Variants in AGAP1 observed in about 807,000 individuals in gnomAD.
AGAP1 encodes the protein arf-GAP with GTPase, ANK repeat and PH domain-containing protein 1.
Under a neutral mutation model 105.3 loss-of-function variants are expected in AGAP1, and 29 were observed. The observed-to-expected ratio is 0.28, with a 90% CI of 0.21 to 0.38. The LOEUF (loss-of-function observed/expected upper bound fraction) is 0.38, where lower values mean the gene tolerates loss of function less well. Among genes scored for constraint, AGAP1 ranks in the 10% least tolerant of loss-of-function variants. The probability of loss-of-function intolerance (pLI) is 1.00; values close to 1 mark genes in which losing one functional copy is unlikely to be tolerated. For missense variants in AGAP1, 998 were observed against 1,165.1 expected, an observed-to-expected ratio of 0.86 and a Z score of 2.09; for synonymous variants, 509 against 485.9, an observed-to-expected ratio of 1.05 and a Z score of -0.63.
chr2:235,604,257 A>G (rs560119703), intron 1 of AGAP1, among the ~76,000 whole-genome samples: 6 of 152,112 alleles, frequency 3.9e-5, no homozygotes, highest in Admixed American at 3.9e-4. Flanking sequence ...AGGTGGGAAG[A>G]TTGCTTTACT....
chr2:235,758,334 C>T (rs930893715), intron 6 of AGAP1, among the ~76,000 whole-genome samples: 3 of 152,094 alleles, frequency 2.0e-5, no homozygotes, highest in Non-Finnish European at 2.9e-5. Flanking sequence ...AACAATTTAA[C>T]GGCTTATGAT....
chr2:235,800,265 ATT>A (rs547612945), intron 8 of AGAP1, among the ~76,000 whole-genome samples: 7 of 142,004 alleles, frequency 4.9e-5, no homozygotes, highest in Non-Finnish European at 4.6e-5. Flanking sequence ...CGTGTGGCTA[ATT>A]TTTTTTTTTT....
In AGAP1 at chr2:235,683,213, G is replaced by A. The variant is rs143805631; in HGVS notation, c.164-25966G>A. ...TCCCAGCTACTGGGGGGCTGAGGCA[G>A]GAGAATCACCTGAATTCGGGAGGCA... On this transcript the variant is annotated intron_variant, in intron 1 of 17. Coordinates refer to ENST00000304032, the MANE Select transcript of AGAP1 (RefSeq NM_001037131.3). 6.6e-5 allele frequency among the ~76,000 whole-genome samples: 10 copies of A among 152,176 alleles called. No individual in the cohort carries two copies. In the East Asian group the frequency reaches 1.9e-3, roughly 29 times the overall value.
chr2:235,859,000 T>G (rs1010098318), intron 9 of AGAP1, among the ~76,000 whole-genome samples: 2 of 152,216 alleles, frequency 1.3e-5, no homozygotes, highest in Non-Finnish European at 1.5e-5. Flanking sequence ...CTAAATAGAA[T>G]GGACACTTAA....
intron 1 of AGAP1, among the ~76,000 whole-genome samples, chr2:235,628,565 A>T (rs1946717424): frequency 6.6e-6 from 1 of 151,980 alleles, no homozygotes; most frequent in South Asian, 2.1e-4. Flanking sequence ...GGGAAGATGG[A>T]GACAAGATTT....
rs1320593935 is a variant in AGAP1 at position 236,014,431 on chromosome 2, A to G, written c.1646-22130A>G. On this transcript the variant is annotated intron_variant, in intron 13 of 17. Transcript: ENST00000304032. The surrounding 1 kb of genome is among the most constrained non-coding windows in gnomAD (Gnocchi z 6.3). ...TGGCCGAATCAAAGGGCTTGTGGCG[A>G]CTGGCATCATAGCTCCTTCAAAGGG... 6.6e-6 allele frequency among the ~76,000 whole-genome samples: 1 copy of G among 152,204 alleles called. No individual in the cohort carries two copies.
intron 12 of AGAP1, among the ~76,000 whole-genome samples, chr2:235,939,584 T>TCGTTGTCCC (rs113141143): frequency 6.6e-6 from 1 of 151,444 alleles, no homozygotes; most frequent in East Asian, 2.0e-4. Context: ...TCGTCTGTCC[T>TCGTTGTCCC]CAGCTACCAC....
chr2:235,782,079 A>G (rs1487228022), intron 6 of AGAP1, among the ~76,000 whole-genome samples: 3 of 152,208 alleles, frequency 2.0e-5, no homozygotes, highest in Admixed American at 1.3e-4. Context: ...TCTTCATTTC[A>G]GAAGGAAGGC....
At chr2:235,863,167 A>G (rs540672043) in intron 9 of AGAP1, among the ~76,000 whole-genome samples, 1 of 152,320 alleles carries the variant, frequency 6.6e-6, no homozygotes, top group African/African-American at 2.4e-5. Flanking sequence ...AGTGGTCCCT[A>G]CTGTCCATAA....
intron 1 of AGAP1, among the ~76,000 whole-genome samples, chr2:235,533,844 C>T (rs1391602855): frequency 1.3e-5 from 2 of 152,234 alleles, no homozygotes; most frequent in East Asian, 1.9e-4. Context: ...CCATTTTGGG[C>T]TTGGGGATAA....
Position 235,900,576 on chromosome 2 carries a change from A to G in AGAP1, c.1156-8162A>G, listed in dbSNP as rs1270243151. Among the ~76,000 whole-genome samples the G allele has an allele frequency of 6.6e-6, 1 of 151,942 alleles. No homozygotes were observed. The highest frequency in any genetic ancestry group is 2.4e-5 in the African/African-American group (1 of 41,366). On this transcript the variant is annotated intron_variant, in intron 10 of 17. Coordinates refer to ENST00000304032, the MANE Select transcript of AGAP1 (RefSeq NM_001037131.3). The surrounding 1 kb of genome is among the most constrained non-coding windows in gnomAD (Gnocchi z 5.5). Reference sequence around the variant, plus strand: ...CTGGCAATGGGAAAAACAATACCATATATTGGACACTGATTCAGAGCATAC... The same window carrying G: ...CTGGCAATGGGAAAAACAATACCATGTATTGGACACTGATTCAGAGCATAC...
At chr2:235,681,689 C>T (rs1373031613) in intron 1 of AGAP1, among the ~76,000 whole-genome samples, 1 of 152,158 alleles carries the variant, frequency 6.6e-6, no homozygotes, top group Non-Finnish European at 1.5e-5. Context: ...TTAACCAGCA[C>T]TTACTGAATA....
Position 235,930,997 on chromosome 2 carries a change from A to G in AGAP1, c.1483+74A>G. 1 of 1,534,814 alleles carries G rather than the reference A, an allele frequency of 6.5e-7. No individual in the cohort carries two copies. Among genetic ancestry groups the G allele is most frequent in the Non-Finnish European group, 8.8e-7 (1 of 1,137,274 alleles). On this transcript the variant is annotated intron_variant, in intron 12 of 17. Transcript: ENST00000304032. The surrounding 1 kb of genome is among the most constrained non-coding windows in gnomAD (Gnocchi z 7.9). ...CGTTGTAAGCCAGGGGCTGGACAGG[A>G]CGCCCTAAGCTCTCATGCTCCTCTG...
chr2:235,742,181 G>C lies in AGAP1; in HGVS notation c.396+1133G>C, dbSNP rs542226742. Reference sequence around the variant, plus strand: ...TTTTGTGAACGGGCAGCATAGGATTGTAAGATGGAGAAAGTGAAAGATACT... The same window carrying C: ...TTTTGTGAACGGGCAGCATAGGATTCTAAGATGGAGAAAGTGAAAGATACT... On this transcript the variant is annotated intron_variant, in intron 4 of 17. Coordinates refer to ENST00000304032, the MANE Select transcript of AGAP1 (RefSeq NM_001037131.3). 2.6e-5 allele frequency among the ~76,000 whole-genome samples: 4 copies of C among 152,278 alleles called. No individual in the cohort carries two copies. In the South Asian group the frequency reaches 8.3e-4, roughly 32 times the overall value.
rs1213447906 is a variant in AGAP1 at position 235,908,897 on chromosome 2, C to T, written c.1315C>T (p.Pro439Ser). ...SKDMSSLHIS[P>S]NSGNVTSASG... The stretch of plus-strand genomic sequence containing the variant: ...GGACATGAGCAGTTTACACATCTCA[C>T]CCAATTCAGGTAAGCTTACAGCAAA... Residue 439 changes from proline (P) to serine (S), a missense_variant, in exon 11 of 18, where the codon CCC (proline) becomes TCC (serine). Physicochemically the swap from Pro to Ser is moderately conservative, Grantham distance 74. Transcript: ENST00000304032. This position sits in a 1 kb window ranked among gnomAD's most constrained non-coding sequence, Gnocchi z 4.4. 4.3e-6 allele frequency: 7 copies of T among 1,611,194 alleles called. No individual in the cohort carries two copies. The highest frequency in any genetic ancestry group is 5.9e-6 in the Non-Finnish European group (7 of 1,178,176).
chr2:236,034,500 A>T (rs535126135), intron 13 of AGAP1, among the ~76,000 whole-genome samples: 1 of 152,116 alleles, frequency 6.6e-6, no homozygotes, highest in East Asian at 1.9e-4. Flanking sequence ...AGCCCAGTAG[A>T]TTGGGATAAA....
chr2:236,048,105 T>C (rs3768948), intron 15 of AGAP1, among the ~76,000 whole-genome samples: 11,722 of 152,266 alleles, frequency 0.077, 497 homozygotes, highest in East Asian at 0.2. Flanking sequence ...TTCAGGTGTG[T>C]CCAGAGTAAG....
intron 10 of AGAP1, among the ~76,000 whole-genome samples, chr2:235,899,529 CTGTT>C (rs2050962924): frequency 6.6e-6 from 1 of 152,136 alleles, no homozygotes; most frequent in Admixed American, 6.5e-5. Context: ...TATATATATA[CTGTT>C]TGTTTTAGCG....
rs1187836357 is a variant in AGAP1 at position 236,078,606 on chromosome 2, G to A, written c.2114+29325G>A. ...TGCCTTTGAAAACGTAATCTCCCTA[G>A]ATAAGTATTACCACTGAACCACCTG... On this transcript the variant is annotated intron_variant, in intron 16 of 17. Coordinates refer to ENST00000304032, the MANE Select transcript of AGAP1 (RefSeq NM_001037131.3). This position sits in a 1 kb window ranked among gnomAD's most constrained non-coding sequence, Gnocchi z 5.3. Among the ~76,000 whole-genome samples the A allele has an allele frequency of 6.6e-6, 1 of 152,176 alleles. No homozygotes were observed. Among genetic ancestry groups the A allele is most frequent in the Non-Finnish European group, 1.5e-5 (1 of 68,036 alleles).
Sources: gnomAD v4.1 joint callset for allele counts (sites outside exome capture counted in the v4.1 genomes callset) on GRCh38, gnomAD v4.1.1 for gene constraint, Gnocchi (gnomAD v3.1) non-coding constraint, MANE v1.5 for transcripts, NCBI Gene and HGNC (gene_info 2026-07-23, HGNC 2026-07-21) for gene names.